CNTNAP2: variants seen among roughly 807,000 people sequenced by gnomAD.
The protein encoded by CNTNAP2 is contactin-associated protein-like 2.
In CNTNAP2, 98 loss-of-function variants were observed where a neutral mutation model predicts 155.2. The ratio of observed to expected loss-of-function variants is 0.63; its 90% confidence interval spans 0.54 to 0.75. The LOEUF (loss-of-function observed/expected upper bound fraction) is 0.75. Ranked by LOEUF, CNTNAP2 falls within the 30% of genes least tolerant of loss-of-function variation. CNTNAP2 has a pLI of 0.00. For synonymous variants in CNTNAP2, 651 were observed against 631.2 expected, an observed-to-expected ratio of 1.03 and a Z score of -0.47; for missense variants, 1,727 against 1,688.1, an observed-to-expected ratio of 1.02 and a Z score of -0.40.
chr7:146,352,900 A>C (rs376397927), intron 1 of CNTNAP2, among the ~76,000 whole-genome samples: 4 of 150,958 alleles, frequency 2.6e-5, no homozygotes, highest in Non-Finnish European at 5.9e-5. Flanking sequence ...GACTACAGGC[A>C]CCCGCCACCA....
chr7:148,102,708 C>T (rs1420679691), intron 15 of CNTNAP2, among the ~76,000 whole-genome samples: 3 of 152,326 alleles, frequency 2.0e-5, no homozygotes, highest in Non-Finnish European at 2.9e-5. Flanking sequence ...AGTACCTCTT[C>T]GTGCAGTGAA....
chr7:148,240,459 C>T (rs12673040), intron 20 of CNTNAP2, among the ~76,000 whole-genome samples: 17,513 of 152,094 alleles, frequency 0.12, 1,885 homozygotes, highest in East Asian at 0.55. Flanking sequence ...AAGGACACAG[C>T]ACGTAACGAG....
intron 1 of CNTNAP2, among the ~76,000 whole-genome samples, chr7:146,230,044 AAAG>A (rs751650592): frequency 6.6e-6 from 1 of 152,230 alleles, no homozygotes; most frequent in Non-Finnish European, 1.5e-5. Context: ...CTTCCATTGA[AAAG>A]AAGAAATTCA....
At chr7:146,672,714 T>G (rs529596525) in intron 1 of CNTNAP2, among the ~76,000 whole-genome samples, 2 of 152,336 alleles carry the variant, frequency 1.3e-5, no homozygotes, top group East Asian at 3.9e-4. Context: ...ATAGGTACAA[T>G]GCACTGTAAT....
chr7:147,899,164 AC>A (rs1799820631), intron 13 of CNTNAP2, among the ~76,000 whole-genome samples: 1 of 152,016 alleles, frequency 6.6e-6, no homozygotes, highest in Non-Finnish European at 1.5e-5. Flanking sequence ...ACATGGCAAA[AC>A]CCTTTCTCTG....
chr7:147,220,138 G>A (rs1401648061), intron 8 of CNTNAP2, among the ~76,000 whole-genome samples: 1 of 151,844 alleles, frequency 6.6e-6, no homozygotes, highest in Non-Finnish European at 1.5e-5. Flanking sequence ...TTGCACTGGG[G>A]ATTAAGTTTT....
intron 15 of CNTNAP2, among the ~76,000 whole-genome samples, chr7:147,992,840 C>A (rs955383960): frequency 1.3e-5 from 2 of 152,312 alleles, no homozygotes; most frequent in Non-Finnish European, 2.9e-5. Context: ...AATGAAGTGG[C>A]TCAATAATCT....
At chr7:146,193,312 T>G (rs1798732743) in intron 1 of CNTNAP2, among the ~76,000 whole-genome samples, 1 of 152,334 alleles carries the variant, frequency 6.6e-6, no homozygotes, top group East Asian at 1.9e-4. Flanking sequence ...ATTTCTCTTC[T>G]GCACTGCCCT....
At chr7:146,907,363 T>A in intron 3 of CNTNAP2, among the ~76,000 whole-genome samples, 1 of 146,014 alleles carries the variant, frequency 6.8e-6, no homozygotes, top group South Asian at 2.3e-4. Flanking sequence ...TTCACCGAAG[T>A]TGAAATGAAG....
chr7:147,072,967 C>G (rs1799925558), intron 4 of CNTNAP2, among the ~76,000 whole-genome samples: 1 of 150,094 alleles, frequency 6.7e-6, no homozygotes. Flanking sequence ...ATTCTCCTGC[C>G]TCAGCCTCCC....
intron 1 of CNTNAP2, among the ~76,000 whole-genome samples, chr7:146,753,765 C>T (rs146767049): frequency 6.6e-6 from 1 of 152,068 alleles, no homozygotes; most frequent in East Asian, 1.9e-4. Context: ...TACCAGTTCT[C>T]TTGTATTTTT....
intron 15 of CNTNAP2, among the ~76,000 whole-genome samples, chr7:148,047,473 G>T (rs796749993): frequency 2.6e-5 from 4 of 152,214 alleles, no homozygotes; most frequent in African/African-American, 9.6e-5. Context: ...CAGCCTTCTT[G>T]TGCTTAGGAA....
At chr7:146,848,316 T>C (rs1321755731) in intron 3 of CNTNAP2, among the ~76,000 whole-genome samples, 1 of 152,184 alleles carries the variant, frequency 6.6e-6, no homozygotes, top group African/African-American at 2.4e-5. Flanking sequence ...AACTGGAATT[T>C]ACAGTGCAAA....
intron 1 of CNTNAP2, among the ~76,000 whole-genome samples, chr7:146,564,199 A>G (rs1199874787): frequency 2.6e-5 from 4 of 152,286 alleles, no homozygotes; most frequent in African/African-American, 9.6e-5. Flanking sequence ...GACCATCTAC[A>G]TGGACAAAAG....
intron 1 of CNTNAP2, among the ~76,000 whole-genome samples, chr7:146,710,189 A>G (rs1037540967): frequency 5.9e-5 from 9 of 152,044 alleles, no homozygotes; most frequent in South Asian, 2.1e-4. Flanking sequence ...ATTAGGAGCT[A>G]ACGGGTACAG....
intron 1 of CNTNAP2, among the ~76,000 whole-genome samples, chr7:146,273,495 G>T (rs1584841128): frequency 6.6e-6 from 1 of 152,198 alleles, no homozygotes; most frequent in Non-Finnish European, 1.5e-5. Flanking sequence ...ATCAGCCATG[G>T]ATTATACCTA....
chr7:147,426,397 A>G (rs1797378518), intron 10 of CNTNAP2, among the ~76,000 whole-genome samples: 1 of 152,132 alleles, frequency 6.6e-6, no homozygotes, highest in African/African-American at 2.4e-5. Context: ...TATGATCATT[A>G]TAAAACTCTT....
At chr7:147,314,865 A>T (rs553615208) in intron 9 of CNTNAP2, among the ~76,000 whole-genome samples, 2 of 151,356 alleles carry the variant, frequency 1.3e-5, no homozygotes, top group South Asian at 4.2e-4. Context: ...GAAGATCAAA[A>T]GAAGGAAAAA....
chr7:147,015,885 G>C (rs1360455443), intron 3 of CNTNAP2, among the ~76,000 whole-genome samples: 1 of 151,928 alleles, frequency 6.6e-6, no homozygotes, highest in Non-Finnish European at 1.5e-5. Context: ...GAACCGAGAA[G>C]GTAATATACT....
Sources: allele counts gnomAD v4.1 joint callset (sites outside exome capture counted in the v4.1 genomes callset), GRCh38; gene constraint gnomAD v4.1.1; transcripts MANE v1.5; gene names NCBI Gene and HGNC (gene_info 2026-07-23, HGNC 2026-07-21).